Variants in ADGRB1 observed in about 807,000 individuals in gnomAD.
ADGRB1 encodes the protein adhesion G protein-coupled receptor B1.
ADGRB1 carries 36 observed loss-of-function variants against 175.7 expected under a neutral mutation model. The observed-to-expected ratio is 0.20, with a 90% CI of 0.16 to 0.27. ADGRB1 has a LOEUF of 0.27. Among genes scored for constraint, ADGRB1 ranks in the 10% least tolerant of loss-of-function variants. ADGRB1 has a pLI of 1.00. For missense variants in ADGRB1, 1,731 were observed against 2,255.3 expected (o/e 0.77, Z 4.71); for synonymous variants, 1,054 against 979.4 (o/e 1.08, Z -1.42).
At chr8:142,536,906 A>G (rs968802199) in intron 25 of ADGRB1, 81 bp from the exon 26 acceptor site, 8 of 1,220,616 alleles carry the variant, frequency 6.6e-6, no homozygotes, top group Non-Finnish European at 7.8e-6. Context: ...CCGCCCCCCC[A>G]CAGGTGCTGC....
At chr8:142,452,739 C>T (rs1181819594) in intron 1 of ADGRB1, among the ~76,000 whole-genome samples, 2 of 152,088 alleles carry the variant, frequency 1.3e-5, no homozygotes, top group African/African-American at 4.8e-5. Flanking sequence ...GCCCGGGGTC[C>T]GAGCAGCCTC....
At position 142,518,118 on chromosome 8, in the gene ADGRB1, T is replaced by A. The variant is rs763313206; in HGVS notation, c.2818-20T>A. On this transcript the variant is annotated intron_variant, in intron 18 of 30. Transcript: ENST00000517894. ...GAGTGGGGTGCCTCACTCCCTGCGGTCTCTTCCCGGTCCCCACAGAACATG... is the reference window on the plus strand; with the variant it reads ...GAGTGGGGTGCCTCACTCCCTGCGGACTCTTCCCGGTCCCCACAGAACATG... 8.1e-6 allele frequency: 13 copies of A among 1,612,162 alleles called. No individual in the cohort carries two copies. The South Asian group carries it at 1.2e-4, about 15-fold the overall frequency.
intron 17 of ADGRB1, among the ~76,000 whole-genome samples, chr8:142,501,875 G>T (rs1391572090): frequency 2.4e-5 from 1 of 41,300 alleles, no homozygotes; most frequent in African/African-American, 1.1e-4. Flanking sequence ...GAGGTGGGGT[G>T]GTGGTGGTGA....
chr8:142,471,235 G>A (rs1840644254), intron 2 of ADGRB1, among the ~76,000 whole-genome samples: 1 of 152,212 alleles, frequency 6.6e-6, no homozygotes, highest in Non-Finnish European at 1.5e-5. Flanking sequence ...CCATGGGAAT[G>A]ATATGCTGGG....
intron 16 of ADGRB1, among the ~76,000 whole-genome samples, chr8:142,490,022 C>T (rs975645981): frequency 2.0e-5 from 3 of 152,134 alleles, no homozygotes; most frequent in Non-Finnish European, 2.9e-5. Context: ...TCTGATGGGC[C>T]GAGAACCAGG....
chr8:142,452,335 C>T (rs1428611934), intron 1 of ADGRB1, among the ~76,000 whole-genome samples: 1 of 152,216 alleles, frequency 6.6e-6, no homozygotes, highest in Non-Finnish European at 1.5e-5. Context: ...TTTGCCGCCT[C>T]CGATCCCAGG....
rs145149434 is a variant in ADGRB1, at chr8:142,470,091, C to T, written c.784+5109C>T. On this transcript the variant is annotated intron_variant, in intron 2 of 30. Transcript: ENST00000517894. ...GGCCTGTCCAAGTGCCACATGGCCA[C>T]GTCACGCGTCAGACTCTGCAAACAC... is the stretch of plus-strand genomic sequence containing the variant. Among the ~76,000 whole-genome samples the T allele has an allele frequency of 9.3e-4, 141 of 152,302 alleles. No homozygotes were observed. In the East Asian group the frequency reaches 0.026, roughly 28 times the overall value.
At chr8:142,526,396 G>A in intron 23 of ADGRB1, 146 bp from the exon 24 acceptor site, 1 of 715,300 alleles carries the variant, frequency 1.4e-6, no homozygotes, top group African/African-American at 1.7e-5. Flanking sequence ...ATCAGGCACT[G>A]GGGTTCCTGT....
rs1563757619 is a variant in ADGRB1, at chr8:142,542,922, G to A, written c.4413+275G>A. 6.6e-6 allele frequency among the ~76,000 whole-genome samples: 1 copy of A among 152,210 alleles called. No individual in the cohort carries two copies. Among genetic ancestry groups the A allele is most frequent in the Non-Finnish European group, 1.5e-5 (1 of 68,020 alleles). On this transcript the variant is annotated intron_variant, in intron 28 of 30. Transcript: ENST00000517894. The surrounding 1 kb of genome is among the most constrained non-coding windows in gnomAD (Gnocchi z 6.3). ...AGCAGGACCTGCACCTCGCACAGTC[G>A]CTAGTCCAGCCCTTGGGGCAGCCTG... is the stretch of plus-strand genomic sequence containing the variant.
chr8:142,464,091 CCTG>C lies in ADGRB1; in HGVS notation c.-106_-104del. ...TCCCATCCCACCCTTGCCCCGCCTC[CCTG>C]CCCCCACCGGGCCGGCCCTGCCCGC... On this transcript the variant is annotated 5_prime_UTR_variant, in exon 2 of 31. Transcript: ENST00000517894. 3.3e-6 allele frequency: 3 copies of C among 917,848 alleles called. No homozygotes were observed. The highest frequency in any genetic ancestry group is 4.2e-6 in the Non-Finnish European group (3 of 715,196). 56.9% of individuals were successfully genotyped at this position (917,848 alleles called of 1,614,324 possible).
chr8:142,502,412 TGGTGGTG>T, intron 17 of ADGRB1, among the ~76,000 whole-genome samples: 1 of 72,004 alleles, frequency 1.4e-5, no homozygotes. Flanking sequence ...GTGGTGGTGG[TGGTGGTG>T]ATGGTGGTGG....
At position 142,463,360 on chromosome 8, in the gene ADGRB1, C is replaced by A. The variant is rs180769633; in HGVS notation, c.-219-620C>A. On this transcript the variant is annotated intron_variant, in intron 1 of 30. Transcript: ENST00000517894. ...ACTCCCCTCACCCCAAAGATCCAGT[C>A]ATTGCTATTGAGGCTCTGCACCCCC... 4.1e-4 allele frequency among the ~76,000 whole-genome samples: 63 copies of A among 152,352 alleles called. No homozygotes were observed. The East Asian group carries it at 0.012, about 28-fold the overall frequency.
intron 2 of ADGRB1, among the ~76,000 whole-genome samples, chr8:142,469,345 G>A: frequency 6.6e-6 from 1 of 152,038 alleles, no homozygotes; most frequent in African/African-American, 2.4e-5. Context: ...GTGTGAATGT[G>A]GGAGTGTCTA....
chr8:142,476,177 G>A (rs981607554), intron 3 of ADGRB1, among the ~76,000 whole-genome samples: 16 of 152,236 alleles, frequency 1.1e-4, no homozygotes, highest in African/African-American at 3.1e-4. Context: ...GTTGTAATGA[G>A]ACTGTCATTG....
intron 24 of ADGRB1, among the ~76,000 whole-genome samples, chr8:142,529,906 G>A (rs1844506395): frequency 6.6e-6 from 1 of 151,234 alleles, no homozygotes; most frequent in Admixed American, 6.6e-5. Flanking sequence ...GTGTGGATGT[G>A]TGAGCATGCA....
chr8:142,526,606 A>G lies in ADGRB1; in HGVS notation c.3377A>G (p.Lys1126Arg), dbSNP rs1484862212. Residue 1126 changes from lysine (K) to arginine (R), a missense_variant, in exon 24 of 31, where the codon AAG becomes AGG. By Grantham distance (26) the Lys-to-Arg change is conservative. Around this residue, in one of 8 missense-constraint regions of ADGRB1, gnomAD observed 301 missense variants for 488.4 expected, o/e 0.62. Coordinates refer to ENST00000517894, the MANE Select transcript of ADGRB1 (RefSeq NM_001702.3). ...KLVSKDGITD[K>R]KLKERAGASL... ...GTGTCCAAAGACGGCATCACGGACA[A>G]GAAGCTGAAGGAGCGGGCAGGGTAG... The G allele has an allele frequency of 1.2e-6, 2 of 1,612,090 alleles. No individual in the cohort carries two copies. The highest frequency in any genetic ancestry group is 2.2e-5 in the South Asian group (2 of 90,470).
At chr8:142,469,434 T>C (rs547672737) in intron 2 of ADGRB1, among the ~76,000 whole-genome samples, 1 of 143,704 alleles carries the variant, frequency 7.0e-6, no homozygotes, top group South Asian at 2.2e-4. Flanking sequence ...CACGTGTGAA[T>C]GAGTGTGTGC....
chr8:142,512,222 T>C (rs572576414), intron 18 of ADGRB1, among the ~76,000 whole-genome samples: 1 of 152,310 alleles, frequency 6.6e-6, no homozygotes, highest in South Asian at 2.1e-4. Flanking sequence ...CAGGGGTCTG[T>C]GTCCCTGACC....
intron 24 of ADGRB1, among the ~76,000 whole-genome samples, chr8:142,531,507 T>C (rs986178530): frequency 7.2e-5 from 11 of 151,870 alleles, no homozygotes; most frequent in Admixed American, 1.3e-4. Context: ...GCCAAGGAGG[T>C]TGGTGGCCTC....
Sources: allele counts gnomAD v4.1 joint callset (sites outside exome capture counted in the v4.1 genomes callset), GRCh38; gene constraint gnomAD v4.1.1; regional missense constraint gnomAD v4.1.1; non-coding constraint Gnocchi (gnomAD v3.1); transcripts MANE v1.5; gene names NCBI Gene and HGNC (gene_info 2026-07-23, HGNC 2026-07-21).